The following VTI1A variants were observed in gnomAD, a reference collection of about 807,000 sequenced individuals.
VTI1A encodes the protein vesicle transport through interaction with t-SNAREs homolog 1A.
A neutral mutation model predicts 34.9 loss-of-function variants in VTI1A; 22 were observed. The ratio of observed to expected loss-of-function variants is 0.63; its 90% CI spans 0.45 to 0.90. VTI1A has a LOEUF of 0.90. Ranked by LOEUF, VTI1A falls within the 40% of genes least tolerant of loss-of-function variation. VTI1A has a pLI of 0.00. For missense variants in VTI1A, 268 were observed against 275.6 expected (o/e 0.97, Z 0.20); for synonymous variants, 87 against 97.3 (o/e 0.89, Z 0.62).
intron 5 of VTI1A, among the ~76,000 whole-genome samples, chr10:112,589,304 A>G (rs1459281188): frequency 6.6e-6 from 1 of 152,086 alleles, no homozygotes; most frequent in African/African-American, 2.4e-5. Context: ...TTCTCATGGT[A>G]GTGAATTAAG....
intron 7 of VTI1A, among the ~76,000 whole-genome samples, chr10:112,747,985 G>A (rs1320881432): frequency 6.6e-6 from 1 of 152,166 alleles, no homozygotes; most frequent in Non-Finnish European, 1.5e-5. Flanking sequence ...GAGAGGAAGT[G>A]ATGGGTCAAG....
At chr10:112,506,641 G>A (rs745758559) in intron 3 of VTI1A, among the ~76,000 whole-genome samples, 1 of 152,080 alleles carries the variant, frequency 6.6e-6, no homozygotes, top group South Asian at 2.1e-4. Context: ...TATGAGATTC[G>A]TGACATATGC....
At chr10:112,702,179 C>T (rs895039549) in intron 7 of VTI1A, among the ~76,000 whole-genome samples, 3 of 152,150 alleles carry the variant, frequency 2.0e-5, no homozygotes, top group Admixed American at 6.5e-5. Flanking sequence ...TATCTAACTT[C>T]GTGACCTGGG....
chr10:112,840,371 C>A, the VTI1A span, among the ~76,000 whole-genome samples: 6 of 152,178 alleles, frequency 3.9e-5, no homozygotes, highest in African/African-American at 1.4e-4. Flanking sequence ...AACCCAACAG[C>A]CTCCACTCAG....
intron 5 of VTI1A, among the ~76,000 whole-genome samples, chr10:112,603,683 T>C (rs1337312742): frequency 6.6e-6 from 1 of 152,128 alleles, no homozygotes; most frequent in Non-Finnish European, 1.5e-5. Flanking sequence ...ATTTCTTAGA[T>C]AGTCAAAAGG....
chr10:112,611,776 C>T (rs539022383), intron 5 of VTI1A, among the ~76,000 whole-genome samples: 112 of 104,696 alleles, frequency 1.1e-3, no homozygotes, highest in Non-Finnish European at 1.9e-3. Context: ...GAGTCTCGCT[C>T]TGTCGCCCAG....
intron 5 of VTI1A, among the ~76,000 whole-genome samples, chr10:112,621,338 A>G (rs1436546512): frequency 6.6e-6 from 1 of 152,174 alleles, no homozygotes; most frequent in African/African-American, 2.4e-5. Context: ...TATACCAAAG[A>G]GTTTCTCAAT....
intron 5 of VTI1A, among the ~76,000 whole-genome samples, chr10:112,614,484 G>C (rs1166814202): frequency 2.0e-5 from 3 of 152,162 alleles, no homozygotes; most frequent in Non-Finnish European, 4.4e-5. Flanking sequence ...ATCATGCCTG[G>C]TGGTTGGCTC....
chr10:112,848,625 A>G, the VTI1A span, among the ~76,000 whole-genome samples: 2 of 152,244 alleles, frequency 1.3e-5, no homozygotes, highest in African/African-American at 4.8e-5. Context: ...CTCCTGGCCT[A>G]TTACCTTATT....
intron 7 of VTI1A, among the ~76,000 whole-genome samples, chr10:112,727,305 A>G (rs1266610731): frequency 6.6e-6 from 1 of 152,178 alleles, no homozygotes; most frequent in Non-Finnish European, 1.5e-5. Context: ...ATACTTCTAC[A>G]AAGTATACCT....
At chr10:112,599,776 C>T (rs1844812042) in intron 5 of VTI1A, among the ~76,000 whole-genome samples, 2 of 152,060 alleles carry the variant, frequency 1.3e-5, no homozygotes. Context: ...GACAGGGTCT[C>T]AGTATGTTGC....
At chr10:112,462,325 C>A (rs1847753840) in intron 2 of VTI1A, among the ~76,000 whole-genome samples, 1 of 152,234 alleles carries the variant, frequency 6.6e-6, no homozygotes, top group Non-Finnish European at 1.5e-5. Flanking sequence ...CAACATGGAA[C>A]AAGTGCACAT....
In VTI1A at chr10:112,618,512, T is replaced by TAGAGAGAGAGAGAG. The variant is rs1209394707; in HGVS notation, c.428-49705_428-49704insGAGAGAGAGAGAGA. ...TATTATATATATATATATATATATA[T>TAGAGAGAGAGAGAG]ATATATATATATAGAGAGAGAGAGA... On this transcript the variant is annotated intron_variant, in intron 5 of 7. Coordinates refer to ENST00000393077, the MANE Select transcript of VTI1A (RefSeq NM_145206.4). Among the ~76,000 whole-genome samples the TAGAGAGAGAGAGAG allele has an allele frequency of 2.2e-3, 85 of 37,878 alleles. 1 individual carries two copies. The highest frequency in any genetic ancestry group is 2.7e-3 in the Non-Finnish European group (60 of 21,948). 24.8% of individuals were successfully genotyped at this position (37,878 alleles called of 152,430 possible).
intron 7 of VTI1A, among the ~76,000 whole-genome samples, chr10:112,788,071 A>G (rs1466135020): frequency 1.3e-5 from 2 of 151,620 alleles, no homozygotes; most frequent in South Asian, 2.1e-4. Context: ...TATTATTTCA[A>G]TATTTTTAAT....
At chr10:112,598,122 T>A (rs578216447) in intron 5 of VTI1A, among the ~76,000 whole-genome samples, 3 of 152,284 alleles carry the variant, frequency 2.0e-5, no homozygotes, top group African/African-American at 7.2e-5. Context: ...AAAAGCAGTT[T>A]TATCTAGCTT....
At chr10:112,806,104 C>G (rs1049423991) in intron 7 of VTI1A, among the ~76,000 whole-genome samples, 5 of 152,040 alleles carry the variant, frequency 3.3e-5, no homozygotes, top group African/African-American at 1.2e-4. Context: ...CTCCTCAGTT[C>G]CTTGCTGGAG....
intron 5 of VTI1A, among the ~76,000 whole-genome samples, chr10:112,639,485 T>C (rs1350433762): frequency 1.3e-5 from 2 of 152,186 alleles, no homozygotes; most frequent in Non-Finnish European, 2.9e-5. Flanking sequence ...ATCATCATTT[T>C]GGCATACTCA....
the VTI1A span, among the ~76,000 whole-genome samples, chr10:112,837,385 G>A: frequency 2.6e-5 from 4 of 152,158 alleles, no homozygotes; most frequent in African/African-American, 9.7e-5. Flanking sequence ...GGTTAAGGAT[G>A]TCACAGTGAC....
chr10:112,492,476 TA>T (rs1848862259), intron 3 of VTI1A, among the ~76,000 whole-genome samples: 1 of 152,136 alleles, frequency 6.6e-6, no homozygotes, highest in Non-Finnish European at 1.5e-5. Flanking sequence ...ATTTCTCCTA[TA>T]GACCAGCTAC....
Sources: gnomAD v4.1 joint callset for allele counts (sites outside exome capture counted in the v4.1 genomes callset) on GRCh38, gnomAD v4.1.1 for gene constraint, MANE v1.5 for transcripts, NCBI Gene and HGNC (gene_info 2026-07-23, HGNC 2026-07-21) for gene names.